ASCC1: variants seen among roughly 807,000 people sequenced by gnomAD.
The protein encoded by ASCC1 is ASC-1 complex subunit P50.
Under a neutral mutation model 46.6 loss-of-function variants are expected in ASCC1, and 35 were observed. That is an observed-to-expected ratio of 0.75 (90% confidence interval 0.57 to 0.99). ASCC1 has a LOEUF of 0.99. Among genes scored for constraint, ASCC1 ranks in the 50% least tolerant of loss-of-function variants. The probability of loss-of-function intolerance (pLI) is 0.00; values close to 1 mark genes in which losing one functional copy is unlikely to be tolerated. For missense variants in ASCC1, 376 were observed against 428.7 expected (o/e 0.88, Z 1.09); for synonymous variants, 143 against 146.6 (o/e 0.98, Z 0.18).
chr10:72,191,082 G>T (rs1229222672), intron 5 of ASCC1, among the ~76,000 whole-genome samples: 3 of 148,746 alleles, frequency 2.0e-5, no homozygotes, highest in Non-Finnish European at 3.0e-5. Flanking sequence ...TTTTGAGACA[G>T]AGTCTCGCTC....
intron 5 of ASCC1, among the ~76,000 whole-genome samples, chr10:72,174,675 C>T (rs1851649894): frequency 6.6e-6 from 1 of 152,186 alleles, no homozygotes; most frequent in Non-Finnish European, 1.5e-5. Flanking sequence ...ATCATATTCA[C>T]ATATATCATC....
chr10:72,193,473 C>A (rs1854865762), intron 5 of ASCC1, among the ~76,000 whole-genome samples: 1 of 149,368 alleles, frequency 6.7e-6, no homozygotes. Context: ...CACACACACA[C>A]ACACACCACA....
chr10:72,158,361 G>A (rs1439658308), intron 6 of ASCC1, among the ~76,000 whole-genome samples: 2 of 152,170 alleles, frequency 1.3e-5, no homozygotes, highest in East Asian at 3.8e-4. Flanking sequence ...AGGCCTGCTG[G>A]AAACACTGAG....
intron 9 of ASCC1, chr10:72,102,337 C>T (rs1429686093): frequency 6.5e-7 from 1 of 1,549,040 alleles, no homozygotes; most frequent in Non-Finnish European, 8.7e-7. Context: ...ATCTTACCCA[C>T]TAGCTCTCTG....
intron 6 of ASCC1, among the ~76,000 whole-genome samples, chr10:72,154,357 T>C (rs117990864): frequency 6.6e-6 from 1 of 152,290 alleles, no homozygotes; most frequent in East Asian, 1.9e-4. Flanking sequence ...CTATAAATAA[T>C]GGTCATGATG....
chr10:72,171,203 A>G (rs1381032385), intron 5 of ASCC1, among the ~76,000 whole-genome samples: 1 of 152,192 alleles, frequency 6.6e-6, no homozygotes, highest in Non-Finnish European at 1.5e-5. Context: ...ATTACCACAG[A>G]CTTTGTGGCT....
Position 72,129,976 on chromosome 10 carries a change from C to CA in ASCC1, c.872-1810dup, listed in dbSNP as rs34426096. On this transcript the variant is annotated intron_variant, in intron 8 of 9. Transcript: ENST00000672957. ...AGCCTGGGCAACAGAGACCTTGTCT[C>CA]AAAAAAAAAAAAAAAAAAAAAAAAA... is the stretch of plus-strand genomic sequence containing the variant. 4.7e-4 allele frequency among the ~76,000 whole-genome samples: 30 copies of CA among 64,324 alleles called. 2 individuals are homozygous for CA. The highest frequency in any genetic ancestry group is 5.7e-4 in the Non-Finnish European group (21 of 36,716). 42.2% of individuals were successfully genotyped at this position (64,324 alleles called of 152,430 possible).
intron 6 of ASCC1, among the ~76,000 whole-genome samples, chr10:72,154,061 G>A (rs1336529801): frequency 6.6e-6 from 1 of 152,170 alleles, no homozygotes; most frequent in African/African-American, 2.4e-5. Flanking sequence ...ATATTTATGA[G>A]AAGCCTTCAT....
At chr10:72,104,521 GTGT>G (rs1239981287) in intron 9 of ASCC1, among the ~76,000 whole-genome samples, 2 of 152,154 alleles carry the variant, frequency 1.3e-5, no homozygotes, top group Non-Finnish European at 2.9e-5. Context: ...GAAGAACAAA[GTGT>G]TGTATTGTTT....
intron 3 of ASCC1, among the ~76,000 whole-genome samples, chr10:72,203,735 C>T (rs1357373143): frequency 6.6e-6 from 1 of 152,144 alleles, no homozygotes; most frequent in African/African-American, 2.4e-5. Flanking sequence ...GGCCCTATAG[C>T]CAATTCAATG....
chr10:72,096,329 G>C lies in ASCC1; in HGVS notation c.*1005C>G, dbSNP rs754067753. 3 of 453,958 alleles carry C rather than the reference G, an allele frequency of 6.6e-6. No individual in the cohort carries two copies. Among genetic ancestry groups the C allele is most frequent in the Admixed American group, 4.7e-5 (2 of 42,540 alleles). The allele number at this position is 453,958 out of a possible 1,614,324, so 28.1% of individuals were successfully genotyped here. Reference sequence around the variant, plus strand: ...CTCCTGTGGCTGACATTCTTCCAGGGAACTCTGCACAGTCCTGCTGATATC... The same window carrying C: ...CTCCTGTGGCTGACATTCTTCCAGGCAACTCTGCACAGTCCTGCTGATATC... On this transcript the variant is annotated 3_prime_UTR_variant, in exon 10 of 10. Coordinates refer to ENST00000672957, the MANE Select transcript of ASCC1 (RefSeq NM_001198800.3).
chr10:72,205,670 G>A (rs1857108900), intron 3 of ASCC1, among the ~76,000 whole-genome samples: 1 of 151,056 alleles, frequency 6.6e-6, no homozygotes, highest in Non-Finnish European at 1.5e-5. Flanking sequence ...GGTGGCGGGC[G>A]CCTGTAATCC....
chr10:72,212,908 C>T (rs367926276), intron 2 of ASCC1, among the ~76,000 whole-genome samples: 19 of 151,956 alleles, frequency 1.3e-4, no homozygotes, highest in African/African-American at 4.4e-4. Flanking sequence ...TTAATTTTGT[C>T]ATAGAATATT....
intron 5 of ASCC1, among the ~76,000 whole-genome samples, chr10:72,172,263 A>C (rs1438590809): frequency 6.6e-6 from 1 of 151,876 alleles, no homozygotes; most frequent in African/African-American, 2.4e-5. Flanking sequence ...AAAATACAAA[A>C]AATTAGCCAG....
At chr10:72,199,481 A>G (rs1856172322) in intron 4 of ASCC1, among the ~76,000 whole-genome samples, 2 of 151,970 alleles carry the variant, frequency 1.3e-5, no homozygotes, top group Non-Finnish European at 2.9e-5. Flanking sequence ...TATTTTCAGC[A>G]GAGACAGGGT....
chr10:72,151,690 T>C (rs1848352137), intron 7 of ASCC1, among the ~76,000 whole-genome samples: 1 of 152,046 alleles, frequency 6.6e-6, no homozygotes, highest in Non-Finnish European at 1.5e-5. Context: ...ATTTAATCTT[T>C]TTAAATTTTT....
intron 9 of ASCC1, among the ~76,000 whole-genome samples, chr10:72,111,893 C>G (rs1390794240): frequency 6.6e-6 from 1 of 152,174 alleles, no homozygotes; most frequent in Non-Finnish European, 1.5e-5. Context: ...CCTCCCGCCT[C>G]GGCCTCCCAA....
intron 9 of ASCC1, among the ~76,000 whole-genome samples, chr10:72,108,076 C>CTTTTTTTTTTTTTT (rs375287948): frequency 2.3e-5 from 3 of 128,352 alleles, no homozygotes; most frequent in African/African-American, 2.9e-5. Context: ...TTTTCTTTTT[C>CTTTTTTTTTTTTTT]TTTTTTTTTT....
chr10:72,107,267 A>C (rs1842437477), intron 9 of ASCC1, among the ~76,000 whole-genome samples: 1 of 151,920 alleles, frequency 6.6e-6, no homozygotes, highest in Non-Finnish European at 1.5e-5. Context: ...ATTGGGAGTT[A>C]AGTCATCAAA....
Sources: allele counts gnomAD v4.1 joint callset (sites outside exome capture counted in the v4.1 genomes callset), GRCh38; gene constraint gnomAD v4.1.1; transcripts MANE v1.5; gene names NCBI Gene and HGNC (gene_info 2026-07-23, HGNC 2026-07-21).